CSMD1: variants seen among roughly 807,000 people sequenced by gnomAD.
The protein encoded by CSMD1 is CUB and sushi domain-containing protein 1.
In CSMD1, 213 loss-of-function variants were observed where a neutral mutation model predicts 417.5. The observed-to-expected ratio is 0.51, with a 90% CI of 0.46 to 0.57. The LOEUF (loss-of-function observed/expected upper bound fraction) is 0.57. CSMD1 is among the 20% of genes least tolerant of loss of function. CSMD1 has a pLI of 0.00. For missense variants in CSMD1, 6,923 were observed against 4,529.7 expected (o/e 1.53, Z -15.17); for synonymous variants, 2,862 against 1,736.8 (o/e 1.65, Z -16.11).
chr8:3,101,416 A>G (rs1815730716), intron 46 of CSMD1, among the ~76,000 whole-genome samples: 1 of 152,182 alleles, frequency 6.6e-6, no homozygotes, highest in African/African-American at 2.4e-5. Flanking sequence ...TAATATCTCC[A>G]TATAAGGCTG....
chr8:4,296,802 A>G (rs532627396), intron 3 of CSMD1, among the ~76,000 whole-genome samples: 1 of 151,828 alleles, frequency 6.6e-6, no homozygotes, highest in East Asian at 1.9e-4. Flanking sequence ...TGAATAGAAA[A>G]TGTGATTATT....
Position 3,872,272 on chromosome 8 carries a change from C to A in CSMD1, c.819-118230G>T, listed in dbSNP as rs146155489. Among the ~76,000 whole-genome samples, 7 of 152,156 alleles carry A rather than the reference C, an allele frequency of 4.6e-5. No homozygotes were observed. The East Asian group carries it at 5.8e-4, about 13-fold the overall frequency. Reference sequence around the variant, plus strand: ...GAAAAGGGTTCTTCTGTGAACTGAACGTGTCAGGTTTGGGGTCACCCTGTA... The same window carrying A: ...GAAAAGGGTTCTTCTGTGAACTGAAAGTGTCAGGTTTGGGGTCACCCTGTA... On this transcript the variant is annotated intron_variant, in intron 5 of 69. Transcript: ENST00000635120.
intron 7 of CSMD1, among the ~76,000 whole-genome samples, chr8:3,639,956 G>C (rs1797225326): frequency 6.6e-6 from 1 of 152,178 alleles, no homozygotes; most frequent in Non-Finnish European, 1.5e-5. Flanking sequence ...TATTTATCTT[G>C]TTCACTATTT....
chr8:3,791,180 T>G (rs1799719344), intron 5 of CSMD1, among the ~76,000 whole-genome samples: 1 of 152,218 alleles, frequency 6.6e-6, no homozygotes, highest in Admixed American at 6.5e-5. Flanking sequence ...TAGGAGCATT[T>G]AGATGTGTTT....
intron 1 of CSMD1, among the ~76,000 whole-genome samples, chr8:4,818,160 G>A (rs138555609): frequency 6.6e-6 from 1 of 152,234 alleles, no homozygotes; most frequent in South Asian, 2.1e-4. Context: ...TGTGACAAAT[G>A]AGATTTATAT....
intron 5 of CSMD1, among the ~76,000 whole-genome samples, chr8:3,862,927 G>T (rs991637991): frequency 3.3e-5 from 5 of 152,082 alleles, no homozygotes; most frequent in Non-Finnish European, 5.9e-5. Context: ...TTTGTCTGGG[G>T]ATTTTTAAAC....
At chr8:4,312,239 T>A (rs1281980518) in intron 3 of CSMD1, among the ~76,000 whole-genome samples, 1 of 151,748 alleles carries the variant, frequency 6.6e-6, no homozygotes, top group African/African-American at 2.4e-5. Context: ...GCGTAACTGA[T>A]CATATTGCAA....
At chr8:4,527,691 T>C (rs1796589376) in intron 2 of CSMD1, among the ~76,000 whole-genome samples, 1 of 152,188 alleles carries the variant, frequency 6.6e-6, no homozygotes, top group Non-Finnish European at 1.5e-5. Flanking sequence ...CTTTATACAG[T>C]ACATTTCTTT....
chr8:3,479,025 A>C (rs34548278), intron 11 of CSMD1, among the ~76,000 whole-genome samples: 69,291 of 151,320 alleles, frequency 0.46, 15,967 homozygotes, highest in Non-Finnish European at 0.49. Flanking sequence ...ACCCAACCCC[A>C]TGCACTCCAA....
intron 7 of CSMD1, among the ~76,000 whole-genome samples, chr8:3,674,841 G>T (rs541647478): frequency 1.3e-5 from 2 of 152,280 alleles, no homozygotes; most frequent in African/African-American, 4.8e-5. Flanking sequence ...AGGGCACTTT[G>T]CAGTAAAGAC....
intron 3 of CSMD1, among the ~76,000 whole-genome samples, chr8:4,082,189 T>TGTGAATAA (rs1184972396): frequency 6.6e-6 from 1 of 152,142 alleles, no homozygotes; most frequent in Non-Finnish European, 1.5e-5. Flanking sequence ...CAAGATATAC[T>TGTGAATAA]GTGAATAAAT....
chr8:3,101,081 T>C (rs767900413), intron 46 of CSMD1, among the ~76,000 whole-genome samples: 64 of 146,894 alleles, frequency 4.4e-4, no homozygotes, highest in Non-Finnish European at 8.5e-4. Flanking sequence ...TCTAAAGAAA[T>C]GAATATTCTA....
Position 4,875,080 on chromosome 8 carries a change from A to C in CSMD1, c.85+119252T>G, listed in dbSNP as rs185656388. Among the ~76,000 whole-genome samples the C allele has an allele frequency of 7.5e-5, 11 of 147,028 alleles. No homozygotes were observed. The East Asian group carries it at 2.2e-3, about 30-fold the overall frequency. The stretch of plus-strand genomic sequence containing the variant: ...TCTTCCTTTCTTTTTTTGTAAGAAA[A>C]TCTTTCCTGGTATTTGGAATTCAGA... On this transcript the variant is annotated intron_variant, in intron 1 of 69. Transcript: ENST00000635120.
chr8:3,295,136 T>G (rs563943042), intron 25 of CSMD1, among the ~76,000 whole-genome samples: 1,650 of 152,148 alleles, frequency 0.011, 29 homozygotes, highest in African/African-American at 0.037. Context: ...TTTATTTTAT[T>G]TTATTTGAGA....
chr8:4,467,683 A>C (rs1258198413), intron 2 of CSMD1, among the ~76,000 whole-genome samples: 2 of 152,222 alleles, frequency 1.3e-5, no homozygotes, highest in Non-Finnish European at 2.9e-5. Flanking sequence ...CAAGGTGCAA[A>C]TAGGGTTGGA....
In CSMD1 at chr8:4,094,613, G is replaced by C. The variant is rs149612070; in HGVS notation, c.416-62514C>G. ...TGCTGTGCTTGTGTAGGTCAGAGGA[G>C]AGGCGTGTGTCACACATGTGGGGAC... On this transcript the variant is annotated intron_variant, in intron 3 of 69. Coordinates refer to ENST00000635120, the MANE Select transcript of CSMD1 (RefSeq NM_033225.6). Among the ~76,000 whole-genome samples the C allele has an allele frequency of 2.9e-3, 437 of 152,228 alleles. 2 individuals carry two copies. Among genetic ancestry groups the C allele is most frequent in the Middle Eastern group, 0.017 (5 of 294 alleles).
chr8:2,966,588 T>C lies in CSMD1; in HGVS notation c.9082A>G (p.Thr3028Ala). 2.5e-6 allele frequency: 4 copies of C among 1,613,708 alleles called. No homozygotes were observed. The highest frequency in any genetic ancestry group is 3.4e-6 in the Non-Finnish European group (4 of 1,179,742). The change falls in exon 58 of 70, where the codon ACT becomes GCT. Residue 3028 changes from threonine (T) to alanine (A), a missense_variant. Physicochemically the swap from Thr to Ala is moderately conservative, Grantham distance 58. Coordinates refer to ENST00000635120, the MANE Select transcript of CSMD1 (RefSeq NM_033225.6). Reference protein sequence around the residue: ...HCTANGTWTGTAPDCTIISCG... With the variant: ...HCTANGTWTGAAPDCTIISCG... ...TACTAACTTGTGCAGTCGGGAGCAG[T>C]GCCTGTCCAGGTCCCATTGGCTGTG...
chr8:4,479,943 G>C (rs925319096), intron 2 of CSMD1, among the ~76,000 whole-genome samples: 4 of 149,750 alleles, frequency 2.7e-5, no homozygotes, highest in Non-Finnish European at 5.9e-5. Flanking sequence ...TCCAGCCTGG[G>C]TGACACAGCA....
intron 26 of CSMD1, among the ~76,000 whole-genome samples, chr8:3,236,378 A>C (rs1412334572): frequency 6.6e-6 from 1 of 152,222 alleles, no homozygotes; most frequent in Non-Finnish European, 1.5e-5. Context: ...TTATGAAATA[A>C]AGATGAAAAG....
Sources: gnomAD v4.1 joint callset for allele counts (sites outside exome capture counted in the v4.1 genomes callset) on GRCh38, gnomAD v4.1.1 for gene constraint, MANE v1.5 for transcripts, NCBI Gene and HGNC (gene_info 2026-07-23, HGNC 2026-07-21) for gene names.